Variants in TBC1D19 observed in about 807,000 individuals in gnomAD.
TBC1D19 encodes the protein TBC1 domain family, member 19.
In TBC1D19, 60 loss-of-function variants were observed where a neutral mutation model predicts 89.0. The observed-to-expected ratio is 0.67, with a 90% confidence interval of 0.55 to 0.84. The LOEUF is 0.84. TBC1D19 is among the 40% of genes least tolerant of loss of function. The pLI is 0.00. For missense variants in TBC1D19, 500 were observed against 610.8 expected, an observed-to-expected ratio of 0.82 and a Z score of 1.91; for synonymous variants, 189 against 199.7, an observed-to-expected ratio of 0.95 and a Z score of 0.45.
At chr4:26,694,335 A>T (rs1035670672) in intron 13 of TBC1D19, among the ~76,000 whole-genome samples, 3 of 152,212 alleles carry the variant, frequency 2.0e-5, no homozygotes, top group Admixed American at 6.5e-5. Context: ...GCAAGTCAGC[A>T]GCAAGGCTGG....
chr4:26,742,708 A>G (rs1403243166), intron 18 of TBC1D19, 109 bp downstream of exon 18: 1 of 688,424 alleles, frequency 1.5e-6, no homozygotes, highest in Non-Finnish European at 2.3e-6. Context: ...CATTAAGCTA[A>G]CAGTTTTCCT....
chr4:26,754,201 G>A (rs1368489701), intron 20 of TBC1D19: 5 of 241,206 alleles, frequency 2.1e-5, no homozygotes, highest in Admixed American at 2.0e-4. Context: ...TATCGTTCAT[G>A]TCCATGCATT....
the TBC1D19 span, among the ~76,000 whole-genome samples, chr4:26,774,023 G>A: frequency 7.9e-5 from 12 of 152,234 alleles, no homozygotes; most frequent in Admixed American, 5.2e-4. Context: ...GCTTTTCTCC[G>A]CATTAACCCA....
intron 3 of TBC1D19, among the ~76,000 whole-genome samples, chr4:26,619,273 C>T (rs1218414631): frequency 6.6e-6 from 1 of 150,474 alleles, no homozygotes; most frequent in African/African-American, 2.5e-5. Context: ...TGTGCAATCT[C>T]GGCTCACTGC....
Position 26,613,223 on chromosome 4 carries a change from G to T in TBC1D19, c.154G>T (p.Glu52Ter). The T allele has an allele frequency of 6.3e-7, 1 of 1,576,348 alleles. No individual in the cohort carries two copies. ...TGAATCACTGAAAGAAGATATTAAG[G>T]AATTCTTTAAAATATCAGGTTTGTA... Reference protein sequence around the residue: ...KLESLKEDIKEFFKISGWEKK... With the variant: ...KLESLKEDIK Residue 52 changes from glutamate to a stop codon, truncating the protein, a stop_gained, in exon 2 of 21, where the codon GAA becomes TAA. Transcript: ENST00000264866. LOFTEE classifies it high-confidence loss of function.
chr4:26,649,171 T>G (rs909933274), intron 7 of TBC1D19, among the ~76,000 whole-genome samples: 2 of 152,000 alleles, frequency 1.3e-5, no homozygotes, highest in Non-Finnish European at 2.9e-5. Flanking sequence ...ACAAATACTA[T>G]TTATATTTAT....
At chr4:26,700,771 G>A (rs928522274) in intron 13 of TBC1D19, among the ~76,000 whole-genome samples, 1 of 151,958 alleles carries the variant, frequency 6.6e-6, no homozygotes, top group African/African-American at 2.4e-5. Flanking sequence ...TTAATCTATG[G>A]GTATTTTATT....
At chr4:26,649,214 CT>C (rs1033187334) in intron 7 of TBC1D19, among the ~76,000 whole-genome samples, 1 of 151,744 alleles carries the variant, frequency 6.6e-6, no homozygotes, top group Non-Finnish European at 1.5e-5. Context: ...TTTTAGGAAA[CT>C]TTTTTGGTAT....
intron 19 of TBC1D19, among the ~76,000 whole-genome samples, chr4:26,749,424 G>A (rs1478317457): frequency 9.3e-5 from 14 of 149,784 alleles, no homozygotes; most frequent in African/African-American, 3.2e-4. Flanking sequence ...GATTCTCTAG[G>A]TATCATATTA....
chr4:26,709,991 C>T (rs1348778359), intron 13 of TBC1D19, among the ~76,000 whole-genome samples: 1 of 151,896 alleles, frequency 6.6e-6, no homozygotes, highest in Non-Finnish European at 1.5e-5. Flanking sequence ...AGCCACATTG[C>T]CCTTTATTTT....
chr4:26,806,742 C>T, the TBC1D19 span, among the ~76,000 whole-genome samples: 1 of 152,210 alleles, frequency 6.6e-6, no homozygotes, highest in Admixed American at 6.5e-5. Flanking sequence ...GGCCCTAAAA[C>T]CAATGACTGG....
chr4:26,813,983 C>G, the TBC1D19 span, among the ~76,000 whole-genome samples: 2 of 152,328 alleles, frequency 1.3e-5, no homozygotes, highest in South Asian at 2.1e-4. Context: ...CACTCCAACA[C>G]TCAGAGAGTG....
intron 1 of TBC1D19, among the ~76,000 whole-genome samples, chr4:26,592,929 A>T (rs1389753832): frequency 6.6e-6 from 1 of 152,068 alleles, no homozygotes; most frequent in Admixed American, 6.6e-5. Flanking sequence ...TAATTTATAG[A>T]TTCAATGCCA....
chr4:26,683,858 T>C, intron 12 of TBC1D19, 109 bp downstream of exon 12: 1 of 860,474 alleles, frequency 1.2e-6, no homozygotes, highest in African/African-American at 1.7e-5. Flanking sequence ...CCTTGAAAAA[T>C]AATTTTAAGT....
chr4:26,763,617 T>C, the TBC1D19 span, among the ~76,000 whole-genome samples: 235 of 152,310 alleles, frequency 1.5e-3, 2 homozygotes, highest in Middle Eastern at 6.8e-3. Flanking sequence ...CCAAGCTGCA[T>C]CCCAACAACC....
chr4:26,741,752 G>A (rs1193388111), intron 17 of TBC1D19, among the ~76,000 whole-genome samples: 3 of 152,068 alleles, frequency 2.0e-5, no homozygotes, highest in Non-Finnish European at 4.4e-5. Context: ...ACAAAAAGAG[G>A]ATTAAAACTT....
the TBC1D19 span, among the ~76,000 whole-genome samples, chr4:26,847,137 G>C: frequency 1.3e-5 from 2 of 152,154 alleles, no homozygotes; most frequent in Non-Finnish European, 2.9e-5. Flanking sequence ...CCACCAAATA[G>C]TAACTGAATG....
chr4:26,763,959 A>G, the TBC1D19 span, among the ~76,000 whole-genome samples: 4 of 152,150 alleles, frequency 2.6e-5, no homozygotes, highest in East Asian at 1.9e-4. Context: ...TACTTCTACT[A>G]TCCTTTTTTG....
chr4:26,763,674 C>A, the TBC1D19 span, among the ~76,000 whole-genome samples: 1 of 152,222 alleles, frequency 6.6e-6, no homozygotes, highest in South Asian at 2.1e-4. Context: ...CACGGGCACA[C>A]GTCCTCAACC....
Sources: allele counts gnomAD v4.1 joint callset (sites outside exome capture counted in the v4.1 genomes callset), GRCh38; gene constraint gnomAD v4.1.1; transcripts MANE v1.5; gene names NCBI Gene and HGNC (gene_info 2026-07-23, HGNC 2026-07-21).